The following CNTN4 variants were observed in gnomAD, a reference collection of about 807,000 sequenced individuals.
CNTN4 encodes contactin-4.
In CNTN4, 77 loss-of-function variants were observed where a neutral mutation model predicts 122.5. That is an observed-to-expected ratio of 0.63 (90% confidence interval 0.52 to 0.76). The LOEUF (loss-of-function observed/expected upper bound fraction) is 0.76. Among genes scored for constraint, CNTN4 ranks in the 30% least tolerant of loss-of-function variants. CNTN4 has a pLI of 0.00. For synonymous variants in CNTN4, 512 were observed against 447.0 expected (o/e 1.15, Z -1.83); for missense variants, 1,256 against 1,259.1 (o/e 1.00, Z 0.04).
At chr3:2,846,214 C>T (rs759502612) in intron 7 of CNTN4, among the ~76,000 whole-genome samples, 2 of 152,146 alleles carry the variant, frequency 1.3e-5, no homozygotes, top group Non-Finnish European at 2.9e-5. Flanking sequence ...TTGTAGTTCC[C>T]ATAATCCCCA....
chr3:2,586,984 A>G (rs1331475002), intron 4 of CNTN4, among the ~76,000 whole-genome samples: 1 of 152,180 alleles, frequency 6.6e-6, no homozygotes, highest in Non-Finnish European at 1.5e-5. Context: ...CTTAGCTTAG[A>G]ATATAAACTT....
intron 2 of CNTN4, among the ~76,000 whole-genome samples, chr3:2,307,359 C>T (rs574831072): frequency 1.1e-4 from 16 of 151,326 alleles, no homozygotes; most frequent in East Asian, 3.9e-4. Flanking sequence ...GGCGTGAACC[C>T]GGGAGGCGGA....
chr3:2,560,903 G>A (rs535066977), intron 3 of CNTN4, among the ~76,000 whole-genome samples: 1 of 152,164 alleles, frequency 6.6e-6, no homozygotes, highest in East Asian at 1.9e-4. Context: ...CCCTACTTTG[G>A]TATAGCCTAT....
At chr3:2,839,353 G>C (rs1235475752) in intron 7 of CNTN4, among the ~76,000 whole-genome samples, 1 of 151,958 alleles carries the variant, frequency 6.6e-6, no homozygotes, top group African/African-American at 2.4e-5. Flanking sequence ...TAAAAAGCGG[G>C]GGCAGGAAAG....
chr3:2,849,190 T>C (rs138669233), intron 7 of CNTN4, among the ~76,000 whole-genome samples: 117 of 152,358 alleles, frequency 7.7e-4, no homozygotes, highest in African/African-American at 2.6e-3. Flanking sequence ...CTGCTGAATA[T>C]ATCCCACTAT....
At chr3:2,403,880 T>C (rs1479375236) in intron 3 of CNTN4, among the ~76,000 whole-genome samples, 1 of 152,206 alleles carries the variant, frequency 6.6e-6, no homozygotes, top group African/African-American at 2.4e-5. Flanking sequence ...CTTTCTGCTC[T>C]ATCATTATGC....
chr3:2,514,997 TCTCC>T (rs909200869), intron 3 of CNTN4, among the ~76,000 whole-genome samples: 15 of 151,964 alleles, frequency 9.9e-5, no homozygotes, highest in Admixed American at 9.2e-4. Flanking sequence ...CCTGTTCTCC[TCTCC>T]CTCTGCCTCC....
chr3:2,939,378 G>T (rs1050644778), intron 13 of CNTN4, among the ~76,000 whole-genome samples: 5 of 151,864 alleles, frequency 3.3e-5, no homozygotes, highest in Admixed American at 6.6e-5. Context: ...GGTGTGTGTG[G>T]GGGGGTATGG....
chr3:2,969,528 T>TATTA (rs1553710757), intron 13 of CNTN4, among the ~76,000 whole-genome samples: 2 of 132,618 alleles, frequency 1.5e-5, no homozygotes, highest in African/African-American at 4.0e-5. Context: ...TTATTATTAT[T>TATTA]ATTATTATTA....
chr3:2,395,994 A>G (rs192932503), intron 3 of CNTN4, among the ~76,000 whole-genome samples: 6 of 151,950 alleles, frequency 3.9e-5, no homozygotes, highest in Admixed American at 3.3e-4. Flanking sequence ...GGAACACCAT[A>G]TAACACATGC....
chr3:2,727,137 C>T (rs1397573915), intron 4 of CNTN4, among the ~76,000 whole-genome samples: 1 of 152,112 alleles, frequency 6.6e-6, no homozygotes, highest in Non-Finnish European at 1.5e-5. Flanking sequence ...CCAATCTAGT[C>T]CCAGAAACTC....
intron 3 of CNTN4, among the ~76,000 whole-genome samples, chr3:2,359,252 A>C (rs1444912593): frequency 6.6e-6 from 1 of 151,812 alleles, no homozygotes; most frequent in Admixed American, 6.6e-5. Flanking sequence ...GTTTTTACAG[A>C]TGGGCTTATT....
intron 2 of CNTN4, among the ~76,000 whole-genome samples, chr3:2,273,737 A>G (rs1010384856): frequency 6.6e-6 from 1 of 152,220 alleles, no homozygotes; most frequent in Non-Finnish European, 1.5e-5. Flanking sequence ...ATGTTGAACC[A>G]AAAACAAAAA....
intron 6 of CNTN4, among the ~76,000 whole-genome samples, chr3:2,762,829 C>A (rs1202386627): frequency 6.6e-6 from 1 of 151,956 alleles, no homozygotes; most frequent in Non-Finnish European, 1.5e-5. Context: ...TATAACCTTG[C>A]CAGCATCTGT....
chr3:2,181,016 C>G (rs1019621248), intron 2 of CNTN4, among the ~76,000 whole-genome samples: 2 of 152,062 alleles, frequency 1.3e-5, no homozygotes, highest in African/African-American at 4.8e-5. Context: ...TTGAGGACAA[C>G]TACATGGGAA....
At chr3:2,795,024 C>T (rs1233503558) in intron 6 of CNTN4, among the ~76,000 whole-genome samples, 1 of 152,162 alleles carries the variant, frequency 6.6e-6, no homozygotes, top group Non-Finnish European at 1.5e-5. Context: ...TGGGGACAAA[C>T]ATTCATTGCA....
intron 3 of CNTN4, among the ~76,000 whole-genome samples, chr3:2,570,896 G>C (rs1032289923): frequency 6.6e-6 from 1 of 152,160 alleles, no homozygotes; most frequent in Non-Finnish European, 1.5e-5. Flanking sequence ...TACTTCTGTG[G>C]CATGTTAGAA....
In CNTN4 at chr3:2,114,296, C is replaced by G. The variant is rs1234210262; in HGVS notation, c.-145+13657C>G. Among the ~76,000 whole-genome samples the G allele has an allele frequency of 4.0e-5, 6 of 151,118 alleles. No individual in the cohort carries two copies. The East Asian group carries it at 1.2e-3, about 29-fold the overall frequency. ...GGCAAAACCCCATCTCAAAAAAAAA[C>G]AAAAAAATACAAAAACTAGCTGGCG... On this transcript the variant is annotated intron_variant, in intron 2 of 24. Transcript: ENST00000418658.
intron 8 of CNTN4, among the ~76,000 whole-genome samples, chr3:2,876,637 TAAAC>T (rs1287008110): frequency 1.3e-5 from 2 of 152,236 alleles, no homozygotes; most frequent in Non-Finnish European, 2.9e-5. Flanking sequence ...AAATTGTACT[TAAAC>T]AAGCACGATG....
Sources: allele counts gnomAD v4.1 joint callset (sites outside exome capture counted in the v4.1 genomes callset), GRCh38; gene constraint gnomAD v4.1.1; transcripts MANE v1.5; gene names NCBI Gene and HGNC (gene_info 2026-07-23, HGNC 2026-07-21).